Variants in MARCO observed in about 807,000 individuals in gnomAD.
The protein encoded by MARCO is macrophage receptor with collagenous structure, also known as macrophage receptor MARCO.
A neutral mutation model predicts 70.0 loss-of-function variants in MARCO; 72 were observed. The ratio of observed to expected loss-of-function variants is 1.03; its 90% CI spans 0.85 to 1.25. The LOEUF (loss-of-function observed/expected upper bound fraction) is 1.25. Ranked by LOEUF, MARCO falls within the 50% of genes most tolerant of loss-of-function variation. The pLI is 0.00. For missense variants in MARCO, 696 were observed against 659.3 expected (o/e 1.06, Z -0.61); for synonymous variants, 273 against 243.1 (o/e 1.12, Z -1.14).
chr2:118,966,388 A>C (rs1680047604), intron 1 of MARCO, among the ~76,000 whole-genome samples: 1 of 152,142 alleles, frequency 6.6e-6, no homozygotes, highest in Admixed American at 6.5e-5. Context: ...CTGATCCAGA[A>C]TAGGTGTTTT....
At chr2:118,949,176 C>T (rs1360038451) in intron 1 of MARCO, 3 of 152,076 alleles carry the variant, frequency 2.0e-5, no homozygotes, top group Non-Finnish European at 2.9e-5. Context: ...TTCTTTATTC[C>T]AGGGGGTGGA....
Position 118,961,833 on chromosome 2 carries a change from AG to A in MARCO, c.98-7324del, listed in dbSNP as rs1228769944. Among the ~76,000 whole-genome samples the A allele has an allele frequency of 5.3e-5, 8 of 152,248 alleles. No homozygotes were observed. The East Asian group carries it at 1.3e-3, about 26-fold the overall frequency. On this transcript the variant is annotated intron_variant, in intron 1 of 16. Transcript: ENST00000327097. ...AATGGTATTGCCTAGATTTTCTTCCAGGGTTTTTATAGTTTTGGGTTTTACA... is the reference window on the plus strand; with the variant it reads ...AATGGTATTGCCTAGATTTTCTTCCAGGTTTTTATAGTTTTGGGTTTTACA...
chr2:118,971,660 C>T (rs758993837), intron 4 of MARCO, 126 bp downstream of exon 4: 15 of 886,020 alleles, frequency 1.7e-5, no homozygotes, highest in Non-Finnish European at 2.3e-5. Context: ...TCTCCACAGC[C>T]TCCTTTGTCT....
chr2:118,950,255 AT>A (rs1179841075), intron 1 of MARCO, among the ~76,000 whole-genome samples: 3 of 152,180 alleles, frequency 2.0e-5, no homozygotes, highest in African/African-American at 7.2e-5. Context: ...ATAAGGTAAG[AT>A]TTTTATAGAC....
rs376601570 is a variant in MARCO at position 118,956,009 on chromosome 2, G to A, written c.98-13151G>A. On this transcript the variant is annotated intron_variant, in intron 1 of 16. Transcript: ENST00000327097. ...CAAATCCCAGAAATACATCAAAACA[G>A]AATCTCTTTAAGTCATATATCACAC... Among the ~76,000 whole-genome samples the A allele has an allele frequency of 2.6e-5, 4 of 152,064 alleles. No homozygotes were observed. In the South Asian group the frequency reaches 8.3e-4, roughly 32 times the overall value.
chr2:118,955,706 G>A (rs1001524798), intron 1 of MARCO, among the ~76,000 whole-genome samples: 2 of 152,184 alleles, frequency 1.3e-5, no homozygotes, highest in East Asian at 1.9e-4. Context: ...TGAGACAGAA[G>A]CACAAGGTAA....
chr2:118,982,117 C>A, intron 10 of MARCO, 39 bp from the exon 11 acceptor site: 2 of 1,512,052 alleles, frequency 1.3e-6, no homozygotes, highest in Non-Finnish European at 1.8e-6. Context: ...GGGCCCTCTG[C>A]CAACCACCAC....
rs551180632 is a variant in MARCO, at chr2:118,981,878, C to G, written c.901+222C>G. Among the ~76,000 whole-genome samples, 11 of 152,286 alleles carry G rather than the reference C, an allele frequency of 7.2e-5. No homozygotes were observed. In the East Asian group the frequency reaches 2.1e-3, roughly 29 times the overall value. Reference sequence around the variant, plus strand: ...CTCTAGACTTTACCCCACTTTGCCACCCAGGGGGTGGAGTTGGACAGTCAC... The same window carrying G: ...CTCTAGACTTTACCCCACTTTGCCAGCCAGGGGGTGGAGTTGGACAGTCAC... On this transcript the variant is annotated intron_variant, in intron 10 of 16. Coordinates refer to ENST00000327097, the MANE Select transcript of MARCO (RefSeq NM_006770.4).
intron 1 of MARCO, among the ~76,000 whole-genome samples, chr2:118,953,736 C>G (rs148416953): frequency 2.1e-4 from 32 of 152,314 alleles, no homozygotes; most frequent in African/African-American, 7.7e-4. Context: ...CCAAATACTG[C>G]GAGTGCCCCA....
intron 16 of MARCO, among the ~76,000 whole-genome samples, 158 bp from the exon 17 acceptor site, chr2:118,994,229 G>A (rs2104618171): frequency 6.6e-6 from 1 of 152,142 alleles, no homozygotes; most frequent in South Asian, 2.1e-4. Context: ...ACAAAAACAG[G>A]CTAAGCCAGC....
chr2:118,979,686 C>A (rs1402604341), intron 8 of MARCO, among the ~76,000 whole-genome samples: 1 of 152,150 alleles, frequency 6.6e-6, no homozygotes, highest in Non-Finnish European at 1.5e-5. Flanking sequence ...GGAAAGGCAG[C>A]AGTTTGAGTT....
At position 118,945,623 on chromosome 2, in the gene MARCO, A is replaced by G. The variant is rs146453978; in HGVS notation, c.97+3226A>G. ...AGACGGGGTTTCACCATGTTGGCCA[A>G]GCTGGTGTCCAACTCCTGACCTCAA... On this transcript the variant is annotated intron_variant, in intron 1 of 16. Coordinates refer to ENST00000327097, the MANE Select transcript of MARCO (RefSeq NM_006770.4). 1.4e-3 allele frequency among the ~76,000 whole-genome samples: 212 copies of G among 151,878 alleles called. 5 individuals carry two copies. The East Asian group carries it at 0.032, about 23-fold the overall frequency.
At chr2:118,942,542 T>G in intron 1 of MARCO, 145 bp downstream of exon 1, 1 of 597,408 alleles carries the variant, frequency 1.7e-6, no homozygotes. Context: ...CTGTCTGGAG[T>G]GCTTCAATTT....
intron 6 of MARCO, among the ~76,000 whole-genome samples, chr2:118,976,683 G>A (rs943645404): frequency 2.6e-5 from 4 of 152,176 alleles, no homozygotes; most frequent in African/African-American, 4.8e-5. Flanking sequence ...GTAGTCATTA[G>A]CAGCCCCATT....
chr2:118,961,109 T>G (rs1679938246), intron 1 of MARCO, among the ~76,000 whole-genome samples: 1 of 152,188 alleles, frequency 6.6e-6, no homozygotes, highest in African/African-American at 2.4e-5. Flanking sequence ...CTGGAGTAAA[T>G]GTACCACATT....
chr2:118,964,756 C>T (rs543501278), intron 1 of MARCO, among the ~76,000 whole-genome samples: 5 of 151,988 alleles, frequency 3.3e-5, no homozygotes, highest in South Asian at 2.1e-4. Flanking sequence ...GGCATGGTGG[C>T]GTGCACCTGT....
chr2:118,967,089 C>T (rs1680066373), intron 1 of MARCO, among the ~76,000 whole-genome samples: 2 of 152,196 alleles, frequency 1.3e-5, no homozygotes, highest in African/African-American at 2.4e-5. Flanking sequence ...AAAGAGCTTC[C>T]AGGCCATTTG....
intron 16 of MARCO, among the ~76,000 whole-genome samples, chr2:118,993,814 G>C (rs182849654): frequency 6.6e-6 from 1 of 152,298 alleles, no homozygotes; most frequent in East Asian, 1.9e-4. Context: ...AAATGTCTTC[G>C]GATGCTGGAG....
intron 1 of MARCO, among the ~76,000 whole-genome samples, chr2:118,951,294 T>A (rs971900013): frequency 2.0e-5 from 3 of 152,234 alleles, no homozygotes; most frequent in Non-Finnish European, 2.9e-5. Context: ...CTATGGTAAC[T>A]AAGATTTAGA....
Sources: gnomAD v4.1 joint callset for allele counts (sites outside exome capture counted in the v4.1 genomes callset) on GRCh38, gnomAD v4.1.1 for gene constraint, MANE v1.5 for transcripts, NCBI Gene and HGNC (gene_info 2026-07-23, HGNC 2026-07-21) for gene names.